VPS13D: variants seen among roughly 807,000 people sequenced by gnomAD.
VPS13D encodes the protein vacuolar protein sorting 13 homolog D.
A neutral mutation model predicts 461.9 loss-of-function variants in VPS13D; 187 were observed. The observed-to-expected ratio is 0.40, with a 90% confidence interval of 0.36 to 0.46. The LOEUF is 0.46. VPS13D is among the 20% of genes least tolerant of loss of function. The pLI is 0.60. For missense variants in VPS13D, 4,711 were observed against 5,364.9 expected (o/e 0.88, Z 3.81); for synonymous variants, 1,951 against 1,986.3 (o/e 0.98, Z 0.47).
intron 31 of VPS13D, 50 bp downstream of exon 31, chr1:12,318,387 T>C: frequency 6.4e-7 from 1 of 1,569,090 alleles, no homozygotes; most frequent in Non-Finnish European, 8.7e-7. Flanking sequence ...GATGTTAGGC[T>C]CAATATCTGC....
chr1:12,499,246 T>C (rs938067669), intron 68 of VPS13D, among the ~76,000 whole-genome samples: 2 of 152,140 alleles, frequency 1.3e-5, no homozygotes, highest in Non-Finnish European at 2.9e-5. Flanking sequence ...CAGGAAAGAA[T>C]CCTCAGCACA....
intron 64 of VPS13D, among the ~76,000 whole-genome samples, chr1:12,416,339 A>C (rs1557426820): frequency 6.6e-6 from 1 of 152,200 alleles, no homozygotes; most frequent in Non-Finnish European, 1.5e-5. Context: ...ATTTGTAGGC[A>C]TGATGAAAAG....
At chr1:12,278,934 C>T (rs1040568989) in intron 19 of VPS13D, among the ~76,000 whole-genome samples, 8 of 152,210 alleles carry the variant, frequency 5.3e-5, no homozygotes, top group South Asian at 4.1e-4. Flanking sequence ...TCCTAGAGCA[C>T]GCCTTTATTT....
rs751198715 is a variant in VPS13D at position 12,506,913 on chromosome 1, C to A, written c.12855C>A (p.Tyr4285Ter). Residue 4285 changes from tyrosine (Y) to a stop codon, truncating the protein, a stop_gained, in exon 69 of 70, where the codon TAC becomes TAA. Transcript: ENST00000620676. LOFTEE classifies it high-confidence loss of function. ...YCVLISSKAV[Y>*]FLKSGDYVDR... ...TGCTCATCTCCTCCAAAGCTGTTTACTTCCTGAAAAGTGGAGACTACGTGG... is the reference window on the plus strand; with the variant it reads ...TGCTCATCTCCTCCAAAGCTGTTTAATTCCTGAAAAGTGGAGACTACGTGG... The A allele has an allele frequency of 6.2e-7, 1 of 1,614,260 alleles. No individual in the cohort carries two copies. The highest frequency in any genetic ancestry group is 1.7e-5 in the Admixed American group (1 of 60,036).
chr1:12,485,697 A>G (rs1645788751), intron 67 of VPS13D, among the ~76,000 whole-genome samples: 1 of 152,204 alleles, frequency 6.6e-6, no homozygotes, highest in Non-Finnish European at 1.5e-5. Context: ...TCTGGGAGAA[A>G]AAATCCAGTA....
chr1:12,346,800 C>A, intron 44 of VPS13D, 148 bp downstream of exon 44: 1 of 757,542 alleles, frequency 1.3e-6, no homozygotes, highest in Non-Finnish European at 2.0e-6. Context: ...TTAATGATTA[C>A]CTTCCTTTTC....
At position 12,285,582 on chromosome 1, in the gene VPS13D, G is replaced by A. The variant is rs533533475; in HGVS notation, c.5634+1846G>A. Among the ~76,000 whole-genome samples, 342 of 152,156 alleles carry A rather than the reference G, an allele frequency of 2.2e-3. 1 individual carries two copies. The highest frequency in any genetic ancestry group is 8.0e-3 in the African/African-American group (333 of 41,510). ...TGGGATTACAGGAGTGAGCCACTGC[G>A]CGTTGCCTGCTGAAGTATTTTAAAG... On this transcript the variant is annotated intron_variant, in intron 21 of 69. Transcript: ENST00000620676.
At chr1:12,249,588 A>AT in intron 6 of VPS13D, 1 of 316,434 alleles carries the variant, frequency 3.2e-6, no homozygotes, top group East Asian at 6.0e-5. Flanking sequence ...GGCAGAAAGG[A>AT]TTTTATTTTT....
Position 12,282,820 on chromosome 1 carries a change from C to T in VPS13D, c.4718C>T (p.Ser1573Phe). 1 of 1,614,150 alleles carries T rather than the reference C, an allele frequency of 6.2e-7. No homozygotes were observed. The highest frequency in any genetic ancestry group is 8.5e-7 in the Non-Finnish European group (1 of 1,180,028). ...GCTACCTCCTCCCCTTGCCCTGATT[C>T]TCCTCTGCCTCCCCTCAGTACCTGT... ...ASATSSPCPD[S>F]PLPPLSTCGE... is the part of the protein sequence containing the mutation. The change falls in exon 21 of 70, where the codon TCT becomes TTT. Residue 1573 changes from serine to phenylalanine, a missense_variant. Physicochemically the swap from Ser to Phe is radical, Grantham distance 155. This residue lies in a region of VPS13D where 4,411 missense variants were observed against 4,937.8 expected (regional missense o/e 0.89). Transcript: ENST00000620676.
chr1:12,496,573 T>C (rs1474415529), intron 67 of VPS13D, among the ~76,000 whole-genome samples: 3 of 152,234 alleles, frequency 2.0e-5, no homozygotes, highest in African/African-American at 4.8e-5. Flanking sequence ...TTTGCTTCAG[T>C]GAGCTCCAGG....
chr1:12,459,800 C>T (rs898776095), intron 66 of VPS13D, among the ~76,000 whole-genome samples: 3 of 152,072 alleles, frequency 2.0e-5, no homozygotes, highest in African/African-American at 7.2e-5. Context: ...TCATAGGATG[C>T]CATCATCTTC....
In VPS13D at chr1:12,355,917, T is replaced by TCCC; in HGVS notation, c.9701_9703dup (p.Pro3234dup). 1.3e-6 allele frequency: 2 copies of TCCC among 1,591,562 alleles called. No homozygotes were observed. The highest frequency in any genetic ancestry group is 2.2e-5 in the South Asian group (2 of 89,072). ...TCTTTAGGGGTATCACTGGAGAATT[T>TCCC]CCCCCTCTGTAAAGAATTGCTCATT... On this transcript the variant is annotated inframe_insertion, in exon 48 of 70. Transcript: ENST00000620676.
intron 6 of VPS13D, among the ~76,000 whole-genome samples, chr1:12,253,508 CTG>C (rs1269107338): frequency 6.6e-6 from 1 of 152,178 alleles, no homozygotes; most frequent in Non-Finnish European, 1.5e-5. Context: ...CTGCTTCCCT[CTG>C]TGTCATTAAA....
At chr1:12,287,333 T>G (rs1355703546) in intron 21 of VPS13D, among the ~76,000 whole-genome samples, 2 of 152,214 alleles carry the variant, frequency 1.3e-5, no homozygotes, top group Non-Finnish European at 2.9e-5. Flanking sequence ...TGATTTTTTT[T>G]CTTCCTTTCC....
intron 67 of VPS13D, among the ~76,000 whole-genome samples, chr1:12,490,933 C>T (rs1166349598): frequency 1.3e-5 from 2 of 152,200 alleles, no homozygotes; most frequent in Non-Finnish European, 1.5e-5. Flanking sequence ...GAGGGTTTTT[C>T]ACCAATTCGT....
rs1286267046 is a variant in VPS13D at position 12,358,497 on chromosome 1, G to A, written c.10037G>A (p.Gly3346Asp). Residue 3346 changes from glycine to aspartate, a missense_variant, in exon 50 of 70, where the codon GGC becomes GAC. This residue lies in a region of VPS13D where 4,411 missense variants were observed against 4,937.8 expected (regional missense o/e 0.89). Transcript: ENST00000620676. ...ATCGGAAGGGGGATTCATCCAGAAG[G>A]CATGCCGGGCTGGTGTCAGGGCTTC... ...MRIGRGIHPE[G>D]MPGWCQGFSL... 1 of 1,614,198 alleles carries A rather than the reference G, an allele frequency of 6.2e-7. No homozygotes were observed. The highest frequency in any genetic ancestry group is 1.1e-5 in the South Asian group (1 of 91,086).
rs145337192 is a variant in VPS13D at position 12,253,785 on chromosome 1, G to A, written c.628G>A (p.Asp210Asn). Residue 210 changes from aspartate to asparagine, a missense_variant, in exon 7 of 70, where the codon GAT (aspartate) becomes AAT (asparagine). This residue lies in a region of VPS13D where 4,411 missense variants were observed against 4,937.8 expected (regional missense o/e 0.89). Coordinates refer to ENST00000620676, the MANE Select transcript of VPS13D (RefSeq NM_015378.4). ...AGAATTTAGCATCTATTGGGATGTCGATTGCACTTTACTGGGGGATTTGCC... is the reference window on the plus strand; with the variant it reads ...AGAATTTAGCATCTATTGGGATGTCAATTGCACTTTACTGGGGGATTTGCC... ...VAEFSIYWDV[D>N]CTLLGDLPQM... 298 of 1,613,986 alleles carry A rather than the reference G, an allele frequency of 1.8e-4. No individual in the cohort carries two copies. The highest frequency in any genetic ancestry group is 2.3e-4 in the Non-Finnish European group (276 of 1,180,006).
At chr1:12,422,240 A>G (rs1226911902) in intron 65 of VPS13D, among the ~76,000 whole-genome samples, 1 of 152,204 alleles carries the variant, frequency 6.6e-6, no homozygotes, top group Non-Finnish European at 1.5e-5. Flanking sequence ...AGATATTTTC[A>G]TAATTTGTCG....
At chr1:12,430,499 C>G (rs191893341) in intron 65 of VPS13D, among the ~76,000 whole-genome samples, 1 of 152,338 alleles carries the variant, frequency 6.6e-6, no homozygotes, top group Admixed American at 6.5e-5. Context: ...CTTGCAACAT[C>G]CCAGTGGGGC....
Sources: gnomAD v4.1 joint callset for allele counts (sites outside exome capture counted in the v4.1 genomes callset) on GRCh38, gnomAD v4.1.1 for gene constraint, gnomAD v4.1.1 regional missense constraint, MANE v1.5 for transcripts, NCBI Gene and HGNC (gene_info 2026-07-23, HGNC 2026-07-21) for gene names.